The following FSIP1 variants were observed in gnomAD, a reference collection of about 807,000 sequenced individuals.
FSIP1 encodes the protein fibrous sheath interacting protein 1, also known as fibrous sheath-interacting protein 1.
FSIP1 carries 65 observed loss-of-function variants against 60.9 expected under a neutral mutation model. The ratio of observed to expected loss-of-function variants is 1.07; its 90% CI spans 0.87 to 1.31. The LOEUF is 1.31. Among genes scored for constraint, FSIP1 ranks in the 40% most tolerant of loss-of-function variants. The pLI, the probability that FSIP1 is intolerant of heterozygous loss-of-function variation, is 0.00. For missense variants in FSIP1, 675 were observed against 665.5 expected (o/e 1.01, Z -0.16); for synonymous variants, 209 against 221.2 (o/e 0.94, Z 0.49).
rs561204233 is a variant in FSIP1, at chr15:39,689,025, C to A, written c.1188+24419G>T. Among the ~76,000 whole-genome samples, 7 of 152,338 alleles carry A rather than the reference C, an allele frequency of 4.6e-5. 1 individual carries two copies. The South Asian group carries it at 1.2e-3, about 27-fold the overall frequency. ...TCAGGTAGATACATCCCAGGCCTCT[C>A]TGACCTGGACTCTCTGACTGACTAA... is the stretch of plus-strand genomic sequence containing the variant. On this transcript the variant is annotated intron_variant, in intron 10 of 11. Coordinates refer to ENST00000350221, the MANE Select transcript of FSIP1 (RefSeq NM_152597.5).
At chr15:39,720,623 T>C (rs563258158) in intron 9 of FSIP1, among the ~76,000 whole-genome samples, 37 of 152,316 alleles carry the variant, frequency 2.4e-4, no homozygotes, top group Middle Eastern at 3.4e-3. Flanking sequence ...ATCCGGTTGC[T>C]AAGGATTTAA....
intron 8 of FSIP1, among the ~76,000 whole-genome samples, chr15:39,729,517 T>C (rs761327120): frequency 6.6e-6 from 1 of 152,064 alleles, no homozygotes; most frequent in Non-Finnish European, 1.5e-5. Flanking sequence ...GAAGCTGCAG[T>C]GAGCCATGAC....
intron 10 of FSIP1, among the ~76,000 whole-genome samples, chr15:39,633,645 C>T (rs773613585): frequency 4.6e-5 from 7 of 152,014 alleles, no homozygotes; most frequent in Non-Finnish European, 2.9e-5. Flanking sequence ...AATCTTTAGA[C>T]GTAGTTAATT....
chr15:39,699,002 T>C (rs1894944310), intron 10 of FSIP1, among the ~76,000 whole-genome samples: 1 of 152,214 alleles, frequency 6.6e-6, no homozygotes, highest in Admixed American at 6.5e-5. Context: ...CCTAGCCTCC[T>C]CTGTCTTTCC....
intron 11 of FSIP1, among the ~76,000 whole-genome samples, chr15:39,605,563 G>T (rs1402386630): frequency 6.6e-6 from 1 of 152,168 alleles, no homozygotes; most frequent in Non-Finnish European, 1.5e-5. Context: ...TTACAACATG[G>T]AATGGAAATT....
chr15:39,741,647 T>C (rs1377212982), intron 6 of FSIP1, among the ~76,000 whole-genome samples, 158 bp downstream of exon 6: 1 of 152,238 alleles, frequency 6.6e-6, no homozygotes, highest in African/African-American at 2.4e-5. Context: ...TCTCAACAAC[T>C]AGCTGCAACA....
chr15:39,673,916 ATTAAAAGT>A (rs1385471003), intron 10 of FSIP1, among the ~76,000 whole-genome samples: 8 of 152,088 alleles, frequency 5.3e-5, no homozygotes, highest in Admixed American at 5.2e-4. Flanking sequence ...ATTTTAACAC[ATTAAAAGT>A]TTAAAGGAGA....
At position 39,617,891 on chromosome 15, in the gene FSIP1, T is replaced by C. The variant is rs764149658; in HGVS notation, c.1543A>G (p.Ile515Val). ...KCLQFSKDVI[I>V]SDTKDYFMSK... is the part of the protein sequence containing the mutation. Reference sequence around the variant, plus strand: ...ATAAAATAGTCTTTTGTGTCACTAATAATAACGTCCTTGGAAAATTGAAGG... The same window carrying C: ...ATAAAATAGTCTTTTGTGTCACTAACAATAACGTCCTTGGAAAATTGAAGG... The change falls in exon 11 of 12, where the codon ATT (isoleucine) becomes GTT (valine). Residue 515 changes from isoleucine to valine, a missense_variant. Physicochemically the swap from Ile to Val is conservative, Grantham distance 29 (BLOSUM62 3). Coordinates refer to ENST00000350221, the MANE Select transcript of FSIP1 (RefSeq NM_152597.5). 4 of 1,614,162 alleles carry C rather than the reference T, an allele frequency of 2.5e-6. No individual in the cohort carries two copies. In the South Asian group the frequency reaches 3.3e-5, roughly 13 times the overall value.
At chr15:39,608,718 T>C (rs771729222) in intron 11 of FSIP1, among the ~76,000 whole-genome samples, 3 of 152,206 alleles carry the variant, frequency 2.0e-5, no homozygotes, top group South Asian at 2.1e-4. Context: ...CTGGAAGTTC[T>C]ACTCAGGAAG....
rs556082018 is a variant in FSIP1 at position 39,633,702 on chromosome 15, G to A, written c.1189-15457C>T. On this transcript the variant is annotated intron_variant, in intron 10 of 11. Transcript: ENST00000350221. ...GATTCATTAGGGATTTAAACATTCC[G>A]TTTCAAAACTGAAGCCATCACATAC... 4.4e-4 allele frequency among the ~76,000 whole-genome samples: 67 copies of A among 152,188 alleles called. 1 individual carries two copies. The South Asian group carries it at 5.6e-3, about 13-fold the overall frequency.
chr15:39,752,714 G>A (rs1897199971), intron 5 of FSIP1, among the ~76,000 whole-genome samples: 1 of 151,936 alleles, frequency 6.6e-6, no homozygotes, highest in Admixed American at 6.6e-5. Context: ...AGGGTTAAAT[G>A]GAATGTGGCA....
intron 9 of FSIP1, among the ~76,000 whole-genome samples, chr15:39,714,721 C>A (rs1484993266): frequency 6.6e-6 from 1 of 151,722 alleles, no homozygotes; most frequent in Non-Finnish European, 1.5e-5. Context: ...GTAACCCCAA[C>A]ACTCCAGGAG....
intron 10 of FSIP1, among the ~76,000 whole-genome samples, chr15:39,620,808 G>A (rs1891415208): frequency 6.7e-6 from 1 of 150,064 alleles, no homozygotes; most frequent in Non-Finnish European, 1.5e-5. Context: ...GTTTTACCAT[G>A]TTGGTCAGGC....
chr15:39,674,289 T>C (rs551965554), intron 10 of FSIP1, among the ~76,000 whole-genome samples: 9 of 152,176 alleles, frequency 5.9e-5, no homozygotes, highest in South Asian at 2.1e-4. Flanking sequence ...CTCCTGACCT[T>C]GTGATCCGCC....
chr15:39,694,176 T>G (rs999393526), intron 10 of FSIP1, among the ~76,000 whole-genome samples: 2 of 152,272 alleles, frequency 1.3e-5, no homozygotes, highest in African/African-American at 4.8e-5. Context: ...TTTATTTTTT[T>G]TTTTTGGCCA....
intron 3 of FSIP1, among the ~76,000 whole-genome samples, chr15:39,767,017 T>A (rs1163764489): frequency 6.6e-6 from 1 of 152,110 alleles, no homozygotes; most frequent in East Asian, 1.9e-4. Context: ...GATAATTTTT[T>A]AAAAAAATTT....
Position 39,618,141 on chromosome 15 carries a change from C to CT in FSIP1, c.1292dup (p.Glu432GlyfsTer4), listed in dbSNP as rs1340579312. On this transcript the variant is annotated frameshift_variant, in exon 11 of 12. Coordinates refer to ENST00000350221, the MANE Select transcript of FSIP1 (RefSeq NM_152597.5). LOFTEE classifies it high-confidence loss of function. ...CAGGTGTTACGTCCTCAATGTCTTC[C>CT]TTTTTTCTTTCTGAAGAAAGTTTAA... 2 of 1,613,990 alleles carry CT rather than the reference C, an allele frequency of 1.2e-6. No homozygotes were observed. The highest frequency in any genetic ancestry group is 1.7e-5 in the Admixed American group (1 of 60,000).
chr15:39,771,199 G>A (rs1482028661), intron 2 of FSIP1, among the ~76,000 whole-genome samples: 1 of 152,208 alleles, frequency 6.6e-6, no homozygotes, highest in Non-Finnish European at 1.5e-5. Flanking sequence ...TCCATGGCCG[G>A]GTGAGGGAAA....
chr15:39,694,265 T>C (rs1894724203), intron 10 of FSIP1, among the ~76,000 whole-genome samples: 1 of 152,088 alleles, frequency 6.6e-6, no homozygotes, highest in Non-Finnish European at 1.5e-5. Flanking sequence ...TAATTTACTA[T>C]GAGTTATCAC....
Sources: allele counts gnomAD v4.1 joint callset (sites outside exome capture counted in the v4.1 genomes callset), GRCh38; gene constraint gnomAD v4.1.1; transcripts MANE v1.5; gene names NCBI Gene and HGNC (gene_info 2026-07-23, HGNC 2026-07-21).